RBFOX1: variants seen among roughly 807,000 people sequenced by gnomAD.
RBFOX1 encodes RNA binding fox-1 homolog 1.
RBFOX1 carries 8 observed loss-of-function variants against 57.7 expected under a neutral mutation model. The ratio of observed to expected loss-of-function variants is 0.14; its 90% CI spans 0.08 to 0.25. The LOEUF is 0.25. Among genes scored for constraint, RBFOX1 ranks in the 10% least tolerant of loss-of-function variants. The pLI, the probability that RBFOX1 is intolerant of heterozygous loss-of-function variation, is 1.00. For missense variants in RBFOX1, 611 were observed against 548.5 expected (o/e 1.11, Z -1.14); for synonymous variants, 326 against 222.4 (o/e 1.47, Z -4.15).
intron 2 of RBFOX1, among the ~76,000 whole-genome samples, chr16:5,556,718 C>A (rs2045691841): frequency 1.3e-5 from 2 of 152,174 alleles, no homozygotes; most frequent in South Asian, 4.1e-4. Flanking sequence ...GAAGAATGTT[C>A]CTTGGGACAT....
At chr16:6,494,378 G>T (rs1048427546) in intron 2 of RBFOX1, among the ~76,000 whole-genome samples, 1 of 152,122 alleles carries the variant, frequency 6.6e-6, no homozygotes, top group Non-Finnish European at 1.5e-5. Flanking sequence ...GCGACCACCT[G>T]CCCCTGTTCT....
At chr16:7,480,726 G>A (rs1393801932) in intron 4 of RBFOX1, among the ~76,000 whole-genome samples, 4 of 152,196 alleles carry the variant, frequency 2.6e-5, no homozygotes, top group Non-Finnish European at 5.9e-5. Context: ...TCTGCCCTCC[G>A]AGGGCACAGG....
chr16:7,365,516 G>C (rs777187239), intron 4 of RBFOX1, among the ~76,000 whole-genome samples: 4 of 152,232 alleles, frequency 2.6e-5, no homozygotes, highest in Non-Finnish European at 5.9e-5. Context: ...ATTCGGAAAT[G>C]TGTTAAGACA....
At chr16:5,570,021 C>G (rs2046224928) in intron 2 of RBFOX1, among the ~76,000 whole-genome samples, 1 of 152,160 alleles carries the variant, frequency 6.6e-6, no homozygotes, top group Non-Finnish European at 1.5e-5. Flanking sequence ...TTTATCAGCC[C>G]TTTCGTGGCA....
chr16:6,886,397 A>G (rs1035631229), intron 3 of RBFOX1, among the ~76,000 whole-genome samples: 1 of 152,052 alleles, frequency 6.6e-6, no homozygotes, highest in Non-Finnish European at 1.5e-5. Flanking sequence ...ACCATTGAGA[A>G]GAAAGGTTAC....
rs189208536 is a variant in RBFOX1, at chr16:6,294,285, C to T, written c.-126-22710C>T. On this transcript the variant is annotated intron_variant, in intron 1 of 15. Transcript: ENST00000550418. ...GGCCTGGGGAGAGCACAGACTCTTC[C>T]TGAAGGAAGCATCAGCTTGTAAGCT... Among the ~76,000 whole-genome samples the T allele has an allele frequency of 2.4e-3, 367 of 152,256 alleles. 3 individuals carry two copies. Among genetic ancestry groups the T allele is most frequent in the African/African-American group, 8.1e-3 (336 of 41,548 alleles).
intron 4 of RBFOX1, among the ~76,000 whole-genome samples, chr16:7,433,539 G>C (rs965611973): frequency 6.6e-6 from 1 of 152,228 alleles, no homozygotes; most frequent in African/African-American, 2.4e-5. Context: ...CTGAAAGACT[G>C]CATGGAGGAG....
chr16:5,739,132 T>C (rs1340563686), intron 3 of RBFOX1, among the ~76,000 whole-genome samples: 1 of 152,260 alleles, frequency 6.6e-6, no homozygotes, highest in South Asian at 2.1e-4. Context: ...TCCATTGGGC[T>C]GTAAACTTCT....
At chr16:7,212,105 A>G (rs1330423752) in intron 4 of RBFOX1, among the ~76,000 whole-genome samples, 2 of 152,246 alleles carry the variant, frequency 1.3e-5, no homozygotes, top group East Asian at 3.9e-4. Flanking sequence ...CGGTCAAAAG[A>G]GAATCATGCA....
chr16:6,992,742 C>T (rs875018), intron 3 of RBFOX1, among the ~76,000 whole-genome samples: 64,901 of 150,600 alleles, frequency 0.43, 17,090 homozygotes, highest in Non-Finnish European at 0.59. Context: ...TCCAAGAGGT[C>T]ACATGATCTA....
At chr16:7,239,857 G>C (rs149166554) in intron 4 of RBFOX1, among the ~76,000 whole-genome samples, 2 of 151,274 alleles carry the variant, frequency 1.3e-5, no homozygotes, top group East Asian at 3.9e-4. Flanking sequence ...ACTACTACTT[G>C]AAAACTGGGC....
At chr16:5,790,955 G>A (rs552901997) in intron 3 of RBFOX1, among the ~76,000 whole-genome samples, 1 of 150,036 alleles carries the variant, frequency 6.7e-6, no homozygotes, top group African/African-American at 2.4e-5. Flanking sequence ...TGCAACCTCT[G>A]CTTTCTGGGT....
intron 4 of RBFOX1, among the ~76,000 whole-genome samples, chr16:7,162,193 T>A (rs996869644): frequency 6.6e-6 from 1 of 152,196 alleles, no homozygotes; most frequent in Non-Finnish European, 1.5e-5. Flanking sequence ...GAATGATGTC[T>A]GCTTTTTAAA....
intron 4 of RBFOX1, among the ~76,000 whole-genome samples, chr16:7,437,747 A>C (rs1253389115): frequency 6.6e-6 from 1 of 152,208 alleles, no homozygotes; most frequent in East Asian, 1.9e-4. Flanking sequence ...TCTTTGATTT[A>C]CTTATACTGC....
chr16:5,757,191 A>G lies in RBFOX1; in HGVS notation c.319-110112A>G, dbSNP rs568124410. On this transcript the variant is annotated intron_variant, in intron 3 of 19. Transcript: ENST00000641259. ...GCCAGCAGAGGGAGAAAGAGCATGA[A>G]GAGCGTGGCGGGGAAGGTTTTTTTT... Among the ~76,000 whole-genome samples, 210 of 151,388 alleles carry G rather than the reference A, an allele frequency of 1.4e-3. 1 individual carries two copies. The highest frequency in any genetic ancestry group is 5.0e-3 in the African/African-American group (207 of 41,248).
chr16:6,378,676 G>A (rs570404518), intron 2 of RBFOX1, among the ~76,000 whole-genome samples: 13 of 152,240 alleles, frequency 8.5e-5, no homozygotes, highest in African/African-American at 2.9e-4. Flanking sequence ...CATCTCAAAT[G>A]TCACCCTTTA....
chr16:6,210,919 T>C (rs913204930), intron 1 of RBFOX1, among the ~76,000 whole-genome samples: 4 of 152,042 alleles, frequency 2.6e-5, no homozygotes, highest in African/African-American at 9.7e-5. Context: ...ACACAAGGTC[T>C]TTTTTTGTGT....
chr16:6,173,094 T>C (rs181039512), intron 1 of RBFOX1, among the ~76,000 whole-genome samples: 159 of 152,326 alleles, frequency 1.0e-3, no homozygotes, highest in African/African-American at 3.7e-3. Context: ...TAGGCCCACC[T>C]GGATAATTAA....
rs543763640 is a variant in RBFOX1 at position 5,667,853 on chromosome 16, G to T, written c.318+68892G>T. On this transcript the variant is annotated intron_variant, in intron 3 of 19. Transcript: ENST00000641259. ...ATATTTCTGGTAATGAGACTTTATA[G>T]TGAAGTGGGGATGAGCTTATTGATG... Among the ~76,000 whole-genome samples, 7 of 152,308 alleles carry T rather than the reference G, an allele frequency of 4.6e-5. No individual in the cohort carries two copies. The South Asian group carries it at 1.5e-3, about 32-fold the overall frequency.
Sources: allele counts gnomAD v4.1 joint callset (sites outside exome capture counted in the v4.1 genomes callset), GRCh38; gene constraint gnomAD v4.1.1; transcripts MANE v1.5; gene names NCBI Gene and HGNC (gene_info 2026-07-23, HGNC 2026-07-21).